MYO1D: variants seen among roughly 807,000 people sequenced by gnomAD.
MYO1D encodes unconventional myosin-Id.
In MYO1D, 83 loss-of-function variants were observed where a neutral mutation model predicts 122.0. The observed-to-expected ratio is 0.68, with a 90% CI of 0.57 to 0.82. The LOEUF is 0.82. Ranked by LOEUF, MYO1D falls within the 40% of genes least tolerant of loss-of-function variation. The pLI, the probability that MYO1D is intolerant of heterozygous loss-of-function variation, is 0.00. For missense variants in MYO1D, 1,157 were observed against 1,269.5 expected, an observed-to-expected ratio of 0.91 and a Z score of 1.35; for synonymous variants, 464 against 446.9, an observed-to-expected ratio of 1.04 and a Z score of -0.48.
At position 32,831,954 on chromosome 17, in the gene MYO1D, C is replaced by T. The variant is rs115164945; in HGVS notation, c.95+44824G>A. ...GGTGAGGCAATGCAGGGGAAACTAA[C>T]CTTGGAGTCCAACACACCTGGGTCC... On this transcript the variant is annotated intron_variant, in intron 1 of 21. Transcript: ENST00000318217. Among the ~76,000 whole-genome samples, 668 of 152,246 alleles carry T rather than the reference C, an allele frequency of 4.4e-3. 3 individuals carry two copies. Among genetic ancestry groups the T allele is most frequent in the African/African-American group, 0.016 (648 of 41,548 alleles).
intron 20 of MYO1D, among the ~76,000 whole-genome samples, chr17:32,638,386 G>A (rs779594171): frequency 2.0e-5 from 3 of 152,000 alleles, no homozygotes; most frequent in Admixed American, 6.6e-5. Flanking sequence ...ATCCCCTACC[G>A]ATTTTCTACC....
intron 16 of MYO1D, among the ~76,000 whole-genome samples, chr17:32,677,582 T>TAG (rs1241344760): frequency 2.1e-4 from 1 of 4,776 alleles, no homozygotes; most frequent in Non-Finnish European, 4.1e-4. Flanking sequence ...GATAGATAAA[T>TAG]ATATATATAT....
At chr17:32,546,405 C>T (rs1388961477) in intron 21 of MYO1D, among the ~76,000 whole-genome samples, 3 of 152,214 alleles carry the variant, frequency 2.0e-5, no homozygotes, top group African/African-American at 7.2e-5. Flanking sequence ...ATTACTGTCA[C>T]CCCCAAATAA....
chr17:32,864,548 G>GAAAAA lies in MYO1D; in HGVS notation c.95+12225_95+12229dup, dbSNP rs200717040. Among the ~76,000 whole-genome samples the GAAAAA allele has an allele frequency of 3.9e-3, 283 of 72,692 alleles. 3 individuals are homozygous for GAAAAA. Among genetic ancestry groups the GAAAAA allele is most frequent in the Middle Eastern group, 0.013 (1 of 80 alleles). 47.7% of individuals were successfully genotyped at this position (72,692 alleles called of 152,430 possible). A position where few individuals can be genotyped will look rare whatever the true frequency, so the allele number is the denominator to read the frequency against. On this transcript the variant is annotated intron_variant, in intron 1 of 21. Coordinates refer to ENST00000318217, the MANE Select transcript of MYO1D (RefSeq NM_015194.3). ...CTTCACATGTCTGAGTTCTACGAAT[G>GAAAAA]AAAAAAAAAAAAAAAAAAAAAAAGG... is the stretch of plus-strand genomic sequence containing the variant.
rs774055354 is a variant in MYO1D, at chr17:32,659,281, T to C, written c.2179A>G (p.Ile727Val). The change falls in exon 17 of 22, where the codon ATA becomes GTA. Residue 727 changes from isoleucine (I) to valine (V), a missense_variant. By Grantham distance (29) the Ile-to-Val change is conservative (BLOSUM62 3). Coordinates refer to ENST00000318217, the MANE Select transcript of MYO1D (RefSeq NM_015194.3). Reference protein sequence around the residue: ...RYKRTKAALTIIRYYRRYKVK... With the variant: ...RYKRTKAALTVIRYYRRYKVK... ...TTGTAGCGCCGGTAGTACCTGATTA[T>C]TGTCAGAGCTGCCTTGGTTCTTTTG... 1 of 1,614,130 alleles carries C rather than the reference T, an allele frequency of 6.2e-7. No individual in the cohort carries two copies. Among genetic ancestry groups the C allele is most frequent in the Non-Finnish European group, 8.5e-7 (1 of 1,180,048 alleles).
intron 16 of MYO1D, among the ~76,000 whole-genome samples, chr17:32,664,329 CTT>C (rs1415845352): frequency 6.6e-6 from 1 of 152,258 alleles, no homozygotes; most frequent in Non-Finnish European, 1.5e-5. Flanking sequence ...TGTTTTCTCT[CTT>C]TGTTTAAAGC....
At chr17:32,741,328 T>C (rs1014438953) in intron 13 of MYO1D, among the ~76,000 whole-genome samples, 2 of 151,648 alleles carry the variant, frequency 1.3e-5, no homozygotes, top group South Asian at 2.1e-4. Context: ...CATCAAATAG[T>C]GTCCAGAGAT....
In MYO1D at chr17:32,605,356, A is replaced by T; in HGVS notation, c.2710-115T>A. On this transcript the variant is annotated intron_variant, in intron 20 of 21. Transcript: ENST00000318217. Reference sequence around the variant, plus strand: ...GTGCCTGTAGTCCCAGCTACTTGGGAGGCTGATACAGGATGATCATTTGAG... The same window carrying T: ...GTGCCTGTAGTCCCAGCTACTTGGGTGGCTGATACAGGATGATCATTTGAG... 9.1e-6 allele frequency: 8 copies of T among 880,964 alleles called. No homozygotes were observed. The South Asian group carries it at 1.6e-4, about 18-fold the overall frequency. 54.6% of individuals were successfully genotyped at this position (880,964 alleles called of 1,614,324 possible). A position where few individuals can be genotyped will look rare whatever the true frequency, so the allele number is the denominator to read the frequency against.
chr17:32,641,119 T>C (rs1483069818), intron 19 of MYO1D, among the ~76,000 whole-genome samples: 1 of 124,198 alleles, frequency 8.1e-6, no homozygotes, highest in East Asian at 2.7e-4. Context: ...CGGTGTGTGA[T>C]GTTCCCCTTC....
Position 32,672,882 on chromosome 17 carries a change from T to A in MYO1D, c.2122-13544A>T, listed in dbSNP as rs543840436. ...CCAATAATAATAAAGGGCAGAGATG[T>A]GGCCACTGAGAGGAAGTGGGTTTTG... On this transcript the variant is annotated intron_variant, in intron 16 of 21. Coordinates refer to ENST00000318217, the MANE Select transcript of MYO1D (RefSeq NM_015194.3). Among the ~76,000 whole-genome samples the A allele has an allele frequency of 3.9e-5, 6 of 152,190 alleles. No individual in the cohort carries two copies. In the South Asian group the frequency reaches 1.2e-3, roughly 32 times the overall value.
rs555396338 is a variant in MYO1D at position 32,654,579 on chromosome 17, G to T, written c.2388C>A (p.Asp796Glu). 3.0e-5 allele frequency: 48 copies of T among 1,613,636 alleles called. No homozygotes were observed. The highest frequency in any genetic ancestry group is 4.1e-5 in the Non-Finnish European group (48 of 1,179,842). ...SQLIKSIPAS[D>E]LPQVRAKVAA... ...CAACCTTTGCCCTGACCTGGGGCAG[G>T]TCTGAGGCCGGAATGCTCTTGATGA... Residue 796 changes from aspartate (D) to glutamate (E), a missense_variant, in exon 18 of 22, where the codon GAC (aspartate) becomes GAA (glutamate). Asp to Glu is a conservative substitution (Grantham distance 45). Transcript: ENST00000318217.
rs2088165536 is a variant in MYO1D, at chr17:32,639,649, GCCT to G, written c.2596-817_2596-815del. Among the ~76,000 whole-genome samples, 3 of 152,058 alleles carry G rather than the reference GCCT, an allele frequency of 2.0e-5. No individual in the cohort carries two copies. In the South Asian group the frequency reaches 6.2e-4, roughly 32 times the overall value. ...ACTCCTGGGCTCAAGTGATCCTCCT[GCCT>G]CCTAAGTTGTTGAGACTGCCAGCAT... On this transcript the variant is annotated intron_variant, in intron 19 of 21. Transcript: ENST00000318217.
intron 21 of MYO1D, among the ~76,000 whole-genome samples, chr17:32,524,882 T>C (rs1166045905): frequency 1.3e-5 from 2 of 152,164 alleles, no homozygotes; most frequent in African/African-American, 4.8e-5. Flanking sequence ...TTTTAATTTT[T>C]AGTAGAGATA....
intron 21 of MYO1D, among the ~76,000 whole-genome samples, chr17:32,591,678 A>C (rs1201749559): frequency 6.6e-6 from 1 of 151,450 alleles, no homozygotes; most frequent in Non-Finnish European, 1.5e-5. Context: ...AAAAAAAACA[A>C]ACCTACTTTC....
chr17:32,560,657 T>C lies in MYO1D; in HGVS notation c.2864+44430A>G, dbSNP rs541139325. Among the ~76,000 whole-genome samples the C allele has an allele frequency of 1.0e-4, 15 of 148,750 alleles. 1 individual carries two copies. Among genetic ancestry groups the C allele is most frequent in the African/African-American group, 3.5e-4 (14 of 40,520 alleles). The stretch of plus-strand genomic sequence containing the variant: ...TTTTTTGAGATGGAGTCTTGCTCTG[T>C]CACCCAGCCTGGAGGGCAGTTGCAA... On this transcript the variant is annotated intron_variant, in intron 21 of 21. Coordinates refer to ENST00000318217, the MANE Select transcript of MYO1D (RefSeq NM_015194.3).
At chr17:32,817,673 A>C (rs1386106217) in intron 1 of MYO1D, among the ~76,000 whole-genome samples, 1 of 152,064 alleles carries the variant, frequency 6.6e-6, no homozygotes, top group African/African-American at 2.4e-5. Flanking sequence ...AACTGTTTTC[A>C]AGTAGTATAG....
intron 21 of MYO1D, chr17:32,498,415 ATGC>A (rs1483657302): frequency 6.6e-6 from 1 of 152,290 alleles, no homozygotes; most frequent in Non-Finnish European, 1.5e-5. Flanking sequence ...TGGCCTTGCC[ATGC>A]TTCCTGGCTT....
chr17:32,549,249 C>A (rs1001217408), intron 21 of MYO1D, among the ~76,000 whole-genome samples: 1 of 152,144 alleles, frequency 6.6e-6, no homozygotes, highest in Non-Finnish European at 1.5e-5. Flanking sequence ...CACAGCACCA[C>A]ACCCAGCTAA....
chr17:32,741,614 G>A (rs1449415195), intron 13 of MYO1D, among the ~76,000 whole-genome samples: 1 of 152,110 alleles, frequency 6.6e-6, no homozygotes, highest in Admixed American at 6.6e-5. Flanking sequence ...GATTCCATGG[G>A]TAATAATGAA....
Sources: allele counts gnomAD v4.1 joint callset (sites outside exome capture counted in the v4.1 genomes callset), GRCh38; gene constraint gnomAD v4.1.1; transcripts MANE v1.5; gene names NCBI Gene and HGNC (gene_info 2026-07-23, HGNC 2026-07-21).